LIN54: variants seen among roughly 807,000 people sequenced by gnomAD.
The protein encoded by LIN54 is protein lin-54 homolog.
Under a neutral mutation model 78.7 loss-of-function variants are expected in LIN54, and 9 were observed. The ratio of observed to expected loss-of-function variants is 0.11; its 90% CI spans 0.07 to 0.20. LIN54 has a LOEUF of 0.20. Among genes scored for constraint, LIN54 ranks in the 10% least tolerant of loss-of-function variants. The pLI is 1.00. For missense variants in LIN54, 573 were observed against 889.9 expected, an observed-to-expected ratio of 0.64 and a Z score of 4.53; for synonymous variants, 269 against 318.4, an observed-to-expected ratio of 0.84 and a Z score of 1.65.
chr4:82,943,144 C>T (rs1159351704), intron 5 of LIN54, among the ~76,000 whole-genome samples: 2 of 152,118 alleles, frequency 1.3e-5, no homozygotes, highest in African/African-American at 4.8e-5. Context: ...TAGAAGCTGG[C>T]ATAATTGTGT....
At chr4:82,991,704 G>A (rs1248204086) in intron 1 of LIN54, among the ~76,000 whole-genome samples, 1 of 152,036 alleles carries the variant, frequency 6.6e-6, no homozygotes, top group Non-Finnish European at 1.5e-5. Flanking sequence ...ATCATAAAAG[G>A]ATGTTTAATT....
intron 4 of LIN54, among the ~76,000 whole-genome samples, chr4:82,950,257 C>T (rs559196004): frequency 2.6e-5 from 4 of 152,260 alleles, no homozygotes; most frequent in Non-Finnish European, 5.9e-5. Flanking sequence ...GTAATCAACA[C>T]CACCATGAAG....
At chr4:83,012,547 C>A (rs985207196), upstream of LIN54, among the ~76,000 whole-genome samples, 65 of 152,114 alleles carry the variant, frequency 4.3e-4, 2 homozygotes, top group Non-Finnish European at 2.5e-4. Context: ...GTGACAGCCA[C>A]CCTCTCGGGA....
intron 11 of LIN54, among the ~76,000 whole-genome samples, chr4:82,934,247 A>C (rs1195814108): frequency 6.6e-6 from 1 of 152,156 alleles, no homozygotes; most frequent in Non-Finnish European, 1.5e-5. Flanking sequence ...AAAAACAAAA[A>C]ATACAAAAAT....
At chr4:82,984,928 G>GA in intron 1 of LIN54, 52 bp from the exon 2 acceptor site, 3 of 1,320,274 alleles carry the variant, frequency 2.3e-6, no homozygotes, top group East Asian at 2.4e-5. Context: ...AAAGATGTAA[G>GA]AAAAAAATTC....
chr4:82,956,912 A>G (rs1560743421), intron 4 of LIN54, among the ~76,000 whole-genome samples: 1 of 152,160 alleles, frequency 6.6e-6, no homozygotes, highest in African/African-American at 2.4e-5. Context: ...GGTGTGAGCC[A>G]CCATGCCCAG....
At chr4:82,992,399 C>T (rs987653649) in intron 1 of LIN54, among the ~76,000 whole-genome samples, 6 of 152,150 alleles carry the variant, frequency 3.9e-5, no homozygotes, top group South Asian at 2.1e-4. Flanking sequence ...ATTTTTGGAC[C>T]GGGCATGGTG....
At chr4:82,971,931 A>G (rs1216432050) in intron 3 of LIN54, among the ~76,000 whole-genome samples, 1 of 152,208 alleles carries the variant, frequency 6.6e-6, no homozygotes, top group Non-Finnish European at 1.5e-5. Context: ...TGAAGGAGAG[A>G]GCATGACAGT....
chr4:82,969,394 T>C (rs1366475782), intron 4 of LIN54, among the ~76,000 whole-genome samples: 1 of 152,240 alleles, frequency 6.6e-6, no homozygotes, highest in East Asian at 1.9e-4. Flanking sequence ...ATCTTATTCA[T>C]GTTTTATCCT....
intron 4 of LIN54, among the ~76,000 whole-genome samples, chr4:82,950,905 C>A (rs551807565): frequency 1.3e-5 from 2 of 152,160 alleles, no homozygotes; most frequent in African/African-American, 4.8e-5. Context: ...AATGAATATT[C>A]TCTTTTACTT....
chr4:82,977,170 G>A (rs1381876879), intron 3 of LIN54, among the ~76,000 whole-genome samples: 2 of 152,002 alleles, frequency 1.3e-5, no homozygotes, highest in African/African-American at 4.8e-5. Flanking sequence ...ACTTTTCAGG[G>A]ACTCTCTCAG....
chr4:82,964,340 C>T (rs993951749), intron 4 of LIN54, among the ~76,000 whole-genome samples: 5 of 152,202 alleles, frequency 3.3e-5, no homozygotes, highest in Non-Finnish European at 5.9e-5. Context: ...TGTAAGCCAC[C>T]ATGCCCCCCA....
intron 3 of LIN54, among the ~76,000 whole-genome samples, chr4:82,972,948 TAAAAAAAA>T (rs35025108): frequency 1.7e-5 from 1 of 59,392 alleles, no homozygotes; most frequent in African/African-American, 5.5e-5. Context: ...AGAATCCCTC[TAAAAAAAA>T]AAAAAAAAAA....
chr4:82,962,467 A>G (rs949878437), intron 4 of LIN54, among the ~76,000 whole-genome samples: 4 of 152,218 alleles, frequency 2.6e-5, no homozygotes, highest in Non-Finnish European at 5.9e-5. Context: ...TAATAAAATG[A>G]GAGCCAGACT....
chr4:83,004,098 T>C (rs933668647), intron 1 of LIN54, among the ~76,000 whole-genome samples: 2 of 151,904 alleles, frequency 1.3e-5, no homozygotes, highest in Non-Finnish European at 1.5e-5. Context: ...TCATAGGATA[T>C]AGAGTATGTA....
rs190228489 is a variant in LIN54 at position 82,927,696 on chromosome 4, A to G, written c.*406T>C. ...TGTTTATGTAACATTCTGTCTGCAGATATTCTAGATCAAGTCCCAAAGAAT... is the reference window on the plus strand; with the variant it reads ...TGTTTATGTAACATTCTGTCTGCAGGTATTCTAGATCAAGTCCCAAAGAAT... On this transcript the variant is annotated 3_prime_UTR_variant, in exon 13 of 13. Coordinates refer to ENST00000340417, the MANE Select transcript of LIN54 (RefSeq NM_194282.4). 7.3e-3 allele frequency: 1,156 copies of G among 159,418 alleles called. 6 individuals are homozygous for G. The highest frequency in any genetic ancestry group is 0.012 in the Non-Finnish European group (896 of 72,306). The allele number at this position is 159,418 out of a possible 1,614,324, so 9.9% of individuals were successfully genotyped here. A position where few individuals can be genotyped will look rare whatever the true frequency, so the allele number is the denominator to read the frequency against.
chr4:82,945,222 G>A (rs1386059163), intron 5 of LIN54, among the ~76,000 whole-genome samples: 5 of 152,094 alleles, frequency 3.3e-5, no homozygotes, highest in Non-Finnish European at 5.9e-5. Context: ...ATTTACTTTC[G>A]ATAAACAATA....
intron 4 of LIN54, among the ~76,000 whole-genome samples, chr4:82,964,508 T>C (rs4693534): frequency 0.42 from 64,077 of 152,098 alleles, 16,710 homozygotes; most frequent in Admixed American, 0.58. Flanking sequence ...CCTTCTATTT[T>C]TGTGGGTTCA....
rs1296062237 is a variant in LIN54 at position 82,987,622 on chromosome 4, C to T, written c.-32-2746G>A. Among the ~76,000 whole-genome samples the T allele has an allele frequency of 2.0e-5, 3 of 152,122 alleles. No homozygotes were observed. The East Asian group carries it at 5.8e-4, about 29-fold the overall frequency. On this transcript the variant is annotated intron_variant, in intron 1 of 12. Transcript: ENST00000340417. ...TTCAACTCCCACTTATAAGTGAGAA[C>T]ATGCAGTGTTTGGTTTTCTGTTCCT...
Sources: allele counts gnomAD v4.1 joint callset (sites outside exome capture counted in the v4.1 genomes callset), GRCh38; gene constraint gnomAD v4.1.1; transcripts MANE v1.5; gene names NCBI Gene and HGNC (gene_info 2026-07-23, HGNC 2026-07-21).